Variants in PIEZO2 observed in about 807,000 individuals in gnomAD.
The protein encoded by PIEZO2 is piezo type mechanosensitive ion channel component 2.
A neutral mutation model predicts 337.3 loss-of-function variants in PIEZO2; 172 were observed. The ratio of observed to expected loss-of-function variants is 0.51; its 90% CI spans 0.45 to 0.58. The LOEUF is 0.58. PIEZO2 is among the 20% of genes least tolerant of loss of function. The pLI is 0.00. For synonymous variants in PIEZO2, 1,251 were observed against 1,228.5 expected (o/e 1.02, Z -0.38); for missense variants, 3,028 against 3,391.3 (o/e 0.89, Z 2.66).
chr18:10,933,293 G>A (rs1193602852), intron 3 of PIEZO2, among the ~76,000 whole-genome samples: 1 of 151,174 alleles, frequency 6.6e-6, no homozygotes. Flanking sequence ...ACATTACATT[G>A]GCCACTTAAA....
chr18:10,999,970 G>T lies in PIEZO2; in HGVS notation c.161-20310C>A, dbSNP rs367832862. Among the ~76,000 whole-genome samples the T allele has an allele frequency of 1.1e-4, 16 of 152,222 alleles. No homozygotes were observed. In the South Asian group the frequency reaches 2.5e-3, roughly 24 times the overall value. ...CATGAAGTTGCTAATACCTAACCAT[G>T]TTGACTTATAAAAATGGCCATTTCA... On this transcript the variant is annotated intron_variant, in intron 2 of 55. Coordinates refer to ENST00000674853, the MANE Select transcript of PIEZO2 (RefSeq NM_001378183.1).
intron 37 of PIEZO2, among the ~76,000 whole-genome samples, chr18:10,717,107 G>A (rs2143901117): frequency 6.6e-6 from 1 of 152,298 alleles, no homozygotes; most frequent in South Asian, 2.1e-4. Flanking sequence ...GGTTCTATAG[G>A]CTTGGTTAAT....
At chr18:10,723,091 C>T (rs7238884) in intron 36 of PIEZO2, among the ~76,000 whole-genome samples, 6,963 of 151,626 alleles carry the variant, frequency 0.046, 533 homozygotes, top group African/African-American at 0.16. Flanking sequence ...CCTCAGCCTC[C>T]CAAGTAGCTG....
rs961920403 is a variant in PIEZO2 at position 10,834,913 on chromosome 18, A to G, written c.917+20440T>C. Among the ~76,000 whole-genome samples, 4 of 152,174 alleles carry G rather than the reference A, an allele frequency of 2.6e-5. No homozygotes were observed. The highest frequency in any genetic ancestry group is 4.4e-5 in the Non-Finnish European group (3 of 68,028). On this transcript the variant is annotated intron_variant, in intron 7 of 55. Coordinates refer to ENST00000674853, the MANE Select transcript of PIEZO2 (RefSeq NM_001378183.1). This position sits in a 1 kb window ranked among gnomAD's most constrained non-coding sequence, Gnocchi z 4.5. ...GCTTTTGTTTTGTTTGTGTCCTCCA[A>G]AATTCTTAGGTTGAAGCCAAACTCC...
intron 30 of PIEZO2, among the ~76,000 whole-genome samples, chr18:10,747,481 T>C (rs1213714776): frequency 6.6e-6 from 1 of 152,182 alleles, no homozygotes; most frequent in Non-Finnish European, 1.5e-5. Context: ...GAATGAAACA[T>C]TGTATTCTGC....
Position 10,673,103 on chromosome 18 carries a change from C to A in PIEZO2, c.8162-230G>T, listed in dbSNP as rs114201371. 2.3e-3 allele frequency among the ~76,000 whole-genome samples: 348 copies of A among 152,270 alleles called. No homozygotes were observed. Among genetic ancestry groups the A allele is most frequent in the African/African-American group, 7.9e-3 (327 of 41,550 alleles). ...AGGTCAGCCGCTGTTGCTACATGGG[C>A]ATGGCAGCAAAACCACAGGGCAAAA... On this transcript the variant is annotated intron_variant, in intron 54 of 55. Coordinates refer to ENST00000674853, the MANE Select transcript of PIEZO2 (RefSeq NM_001378183.1). The surrounding 1 kb of genome is among the most constrained non-coding windows in gnomAD (Gnocchi z 4.8).
chr18:10,721,968 AC>A (rs1347963734), intron 36 of PIEZO2, among the ~76,000 whole-genome samples: 1 of 152,112 alleles, frequency 6.6e-6, no homozygotes, highest in Non-Finnish European at 1.5e-5. Flanking sequence ...ATCCTGGCCA[AC>A]ATGGTGAAAC....
chr18:10,829,687 G>A (rs1044721220), intron 7 of PIEZO2, among the ~76,000 whole-genome samples: 2 of 151,946 alleles, frequency 1.3e-5, no homozygotes, highest in African/African-American at 4.8e-5. Context: ...AAACAAGAAA[G>A]TGATCACATT....
intron 3 of PIEZO2, among the ~76,000 whole-genome samples, chr18:10,922,767 C>T (rs1186665772): frequency 2.0e-5 from 3 of 151,958 alleles, no homozygotes; most frequent in Admixed American, 6.6e-5. Flanking sequence ...GCTGGCTGAC[C>T]GTATTTACAT....
rs1392560273 is a variant in PIEZO2, at chr18:10,850,693, A to T, written c.917+4660T>A. On this transcript the variant is annotated intron_variant, in intron 7 of 55. Transcript: ENST00000674853. The surrounding 1 kb of genome is among the most constrained non-coding windows in gnomAD (Gnocchi z 4.5). Reference sequence around the variant, plus strand: ...GAAAATACACAGTTTGCATAAATACAGCAAATTATAAAATAGTATGTGCAA... The same window carrying T: ...GAAAATACACAGTTTGCATAAATACTGCAAATTATAAAATAGTATGTGCAA... Among the ~76,000 whole-genome samples the T allele has an allele frequency of 6.6e-6, 1 of 152,244 alleles. No homozygotes were observed. Among genetic ancestry groups the T allele is most frequent in the Non-Finnish European group, 1.5e-5 (1 of 68,044 alleles).
intron 7 of PIEZO2, among the ~76,000 whole-genome samples, chr18:10,825,342 T>A (rs72988041): frequency 0.25 from 38,383 of 151,914 alleles, 5,027 homozygotes; most frequent in Middle Eastern, 0.34. Flanking sequence ...TTTGCTTTGT[T>A]TGTTTTCTCA....
intron 2 of PIEZO2, among the ~76,000 whole-genome samples, chr18:10,986,014 T>C (rs1167892939): frequency 6.6e-6 from 1 of 151,674 alleles, no homozygotes. Flanking sequence ...AGGCTGAAAA[T>C]GGGATGGAAA....
rs2036599065 is a variant in PIEZO2 at position 10,727,784 on chromosome 18, T to C, written c.5029+3623A>G. ...GTCTCTGGCACAGGCTGGCATAGCCTAGGAGCAGCTGCAGTTGTCCCTGAG... is the reference window on the plus strand; with the variant it reads ...GTCTCTGGCACAGGCTGGCATAGCCCAGGAGCAGCTGCAGTTGTCCCTGAG... On this transcript the variant is annotated intron_variant, in intron 36 of 55. Coordinates refer to ENST00000674853, the MANE Select transcript of PIEZO2 (RefSeq NM_001378183.1). The surrounding 1 kb of genome is among the most constrained non-coding windows in gnomAD (Gnocchi z 6.3). 1 of 152,350 alleles carries C rather than the reference T, an allele frequency of 6.6e-6. No homozygotes were observed. The highest frequency in any genetic ancestry group is 6.5e-5 in the Admixed American group (1 of 15,276). 9.4% of individuals were successfully genotyped at this position (152,350 alleles called of 1,614,324 possible). A position where few individuals can be genotyped will look rare whatever the true frequency, so the allele number is the denominator to read the frequency against.
intron 4 of PIEZO2, among the ~76,000 whole-genome samples, chr18:10,893,092 T>C (rs956254785): frequency 1.6e-4 from 25 of 152,340 alleles, no homozygotes; most frequent in African/African-American, 5.8e-4. Context: ...CTACTGCGAA[T>C]CCCTTTGCTT....
At chr18:10,763,335 T>C in intron 21 of PIEZO2, 1 of 529,662 alleles carries the variant, frequency 1.9e-6, no homozygotes, top group Non-Finnish European at 3.4e-6. Flanking sequence ...GACATCAATA[T>C]CATGTAGCAC....
intron 26 of PIEZO2, 101 bp from the exon 27 acceptor site, chr18:10,758,235 T>G: frequency 3.1e-6 from 4 of 1,309,174 alleles, no homozygotes; most frequent in Non-Finnish European, 4.1e-6. Context: ...CCCCAGCTCC[T>G]AAGTGAGTTG....
chr18:11,067,705 A>G (rs1351855001), intron 1 of PIEZO2, among the ~76,000 whole-genome samples: 1 of 152,254 alleles, frequency 6.6e-6, no homozygotes, highest in Non-Finnish European at 1.5e-5. Flanking sequence ...TGGAACATCT[A>G]CATATATAAA....
chr18:10,977,486 T>C (rs80002528), intron 3 of PIEZO2, among the ~76,000 whole-genome samples: 1 of 152,064 alleles, frequency 6.6e-6, no homozygotes. Flanking sequence ...AATATCCAAA[T>C]GATTTTTGGT....
intron 38 of PIEZO2, 91 bp from the exon 39 acceptor site, chr18:10,715,021 C>G (rs2035957324): frequency 7.9e-7 from 1 of 1,268,726 alleles, no homozygotes; most frequent in Non-Finnish European, 1.1e-6. Context: ...CTTTTCATAC[C>G]CATGCATGCC....
Sources: allele counts gnomAD v4.1 joint callset (sites outside exome capture counted in the v4.1 genomes callset), GRCh38; gene constraint gnomAD v4.1.1; non-coding constraint Gnocchi (gnomAD v3.1); transcripts MANE v1.5; gene names NCBI Gene and HGNC (gene_info 2026-07-23, HGNC 2026-07-21).